Variants in NOTCH2 observed in about 807,000 individuals in gnomAD.
NOTCH2 encodes notch receptor 2, also known as neurogenic locus notch homolog protein 2.
In NOTCH2, 29 loss-of-function variants were observed where a neutral mutation model predicts 235.8. The observed-to-expected ratio is 0.12, with a 90% confidence interval of 0.09 to 0.17. The LOEUF (loss-of-function observed/expected upper bound fraction) is 0.17, where lower values mean the gene tolerates loss of function less well. NOTCH2 is among the 10% of genes least tolerant of loss of function. NOTCH2 has a pLI of 1.00. For missense variants in NOTCH2, 2,285 were observed against 3,150.2 expected, an observed-to-expected ratio of 0.73 and a Z score of 6.57; for synonymous variants, 1,086 against 1,141.5, an observed-to-expected ratio of 0.95 and a Z score of 0.98.
intron 24 of NOTCH2, 28 bp downstream of exon 24, chr1:119,926,471 C>A: frequency 2.0e-6 from 3 of 1,490,892 alleles, no homozygotes; most frequent in Admixed American, 1.8e-5. Flanking sequence ...GACAATGCCC[C>A]TTCTTAGATG....
At chr1:119,943,817 G>T (rs1395110338) in intron 17 of NOTCH2, among the ~76,000 whole-genome samples, 8 of 151,930 alleles carry the variant, frequency 5.3e-5, no homozygotes, top group African/African-American at 1.9e-4. Context: ...AGAAAACAAC[G>T]ATACTCAATA....
In NOTCH2 at chr1:119,915,861, C is replaced by T. The variant is rs898080836; in HGVS notation, c.6861G>A (p.Arg2287=). 3 of 1,614,182 alleles carry T rather than the reference C, an allele frequency of 1.9e-6. No individual in the cohort carries two copies. The highest frequency in any genetic ancestry group is 1.1e-5 in the South Asian group (1 of 91,088). ...TGGTTATGTGCTTCCCTTCAGGTGG[C>T]CTGCTCTGGGGAGCTATGCCAGGAT... ...GTHPGIAPQS[R]PPEGKHITTP... Residue 2287 remains arginine, a synonymous_variant, in exon 34 of 34, where the codon AGG becomes AGA. Transcript: ENST00000256646.
chr1:119,958,216 A>C (rs1407025956), intron 12 of NOTCH2, among the ~76,000 whole-genome samples: 1 of 152,180 alleles, frequency 6.6e-6, no homozygotes, highest in African/African-American at 2.4e-5. Flanking sequence ...GCAGAACATC[A>C]GGCTACTACA....
At chr1:119,931,780 A>T (rs1553195145) in intron 22 of NOTCH2, among the ~76,000 whole-genome samples, 1 of 151,894 alleles carries the variant, frequency 6.6e-6, no homozygotes, top group Non-Finnish European at 1.5e-5. Context: ...AGTGTATATG[A>T]TGTTGCTAAC....
chr1:120,023,927 C>T (rs587728581), intron 2 of NOTCH2, among the ~76,000 whole-genome samples: 60 of 152,016 alleles, frequency 3.9e-4, no homozygotes, highest in African/African-American at 1.4e-3. Flanking sequence ...CTTGAGTTAT[C>T]TGTTATATGT....
intron 26 of NOTCH2, 92 bp from the exon 27 acceptor site, chr1:119,922,870 G>A (rs1017482613): frequency 6.6e-7 from 1 of 1,510,936 alleles, no homozygotes; most frequent in African/African-American, 1.4e-5. Context: ...AGGGTGACAG[G>A]AGCCTCCCTT....
At chr1:119,926,738 C>T (rs1570665077) in intron 23 of NOTCH2, 127 bp from the exon 24 acceptor site, 2 of 738,030 alleles carry the variant, frequency 2.7e-6, no homozygotes. Flanking sequence ...AGTTCTAGGC[C>T]TGTGGTAATC....
chr1:120,067,414 T>A (rs1196345578), intron 1 of NOTCH2, among the ~76,000 whole-genome samples: 5 of 152,062 alleles, frequency 3.3e-5, no homozygotes, highest in African/African-American at 4.8e-5. Flanking sequence ...GGGCATAGTT[T>A]TATGCACTGA....
intron 4 of NOTCH2, chr1:119,996,607 T>G: frequency 1.2e-6 from 1 of 815,680 alleles, no homozygotes; most frequent in Non-Finnish European, 2.2e-6. Context: ...GATCACCTAC[T>G]GTTAATGTCA....
intron 4 of NOTCH2, among the ~76,000 whole-genome samples, chr1:119,987,978 C>T (rs781810993): frequency 9.2e-5 from 14 of 152,170 alleles, no homozygotes; most frequent in Non-Finnish European, 1.9e-4. Flanking sequence ...CTACCAAACT[C>T]CTGAGCTAAT....
At chr1:119,978,386 A>G (rs1651675048) in intron 5 of NOTCH2, among the ~76,000 whole-genome samples, 1 of 152,202 alleles carries the variant, frequency 6.6e-6, no homozygotes, top group Non-Finnish European at 1.5e-5. Context: ...TCCAGCAAAG[A>G]AATGACTCGA....
Position 119,997,311 on chromosome 1 carries a change from T to A in NOTCH2, c.437A>T (p.Asp146Val). ...TGCACAGGGATGAGACAGGCAGGCA[T>A]CCGTCCATTGGCACTCCTTACCTAA... is the stretch of plus-strand genomic sequence containing the variant. ...GFTGKECQWT[D>V]ACLSHPCANG... The change falls in exon 4 of 34, where the codon GAT (aspartate) becomes GTT (valine). Residue 146 changes from aspartate (D) to valine (V), a missense_variant. By Grantham distance (152) the Asp-to-Val change is radical (BLOSUM62 -3). This residue lies in a region of NOTCH2 where 431 missense variants were observed against 757.8 expected (regional missense o/e 0.57). Transcript: ENST00000256646. 1 of 1,614,000 alleles carries A rather than the reference T, an allele frequency of 6.2e-7. No individual in the cohort carries two copies. Among genetic ancestry groups the A allele is most frequent in the Non-Finnish European group, 8.5e-7 (1 of 1,179,866 alleles).
chr1:119,975,754 C>CA (rs1394347164), intron 5 of NOTCH2, among the ~76,000 whole-genome samples: 1 of 152,010 alleles, frequency 6.6e-6, no homozygotes, highest in African/African-American at 2.4e-5. Context: ...GCCTCATTAG[C>CA]ACCACGCTTC....
chr1:120,068,907 C>T (rs781801018), intron 1 of NOTCH2: 4 of 802,334 alleles, frequency 5.0e-6, no homozygotes, highest in Non-Finnish European at 5.5e-6. Flanking sequence ...GGCTTGGCGG[C>T]CCTGCCCCCG....
chr1:119,948,304 C>T lies in NOTCH2; in HGVS notation c.2752+110G>A, dbSNP rs138983653. ...CTGTTAAATATGCTGGATAAATGAC[C>T]GGTATGCCCAATGTCAGGCGTGAAA... On this transcript the variant is annotated intron_variant, in intron 17 of 33. Coordinates refer to ENST00000256646, the MANE Select transcript of NOTCH2 (RefSeq NM_024408.4). 2.5e-4 allele frequency: 280 copies of T among 1,122,362 alleles called. 1 individual carries two copies. In the African/African-American group the frequency reaches 3.5e-3, roughly 14 times the overall value. The allele number at this position is 1,122,362 out of a possible 1,614,324, so 69.5% of individuals were successfully genotyped here.
At chr1:119,938,037 C>T (rs1553195991) in intron 19 of NOTCH2, 27 bp from the exon 20 acceptor site, 1 of 1,611,236 alleles carries the variant, frequency 6.2e-7, no homozygotes, top group Admixed American at 1.7e-5. Flanking sequence ...GGTGTACATA[C>T]ATCAAAATTC....
intron 2 of NOTCH2, among the ~76,000 whole-genome samples, chr1:120,011,039 C>A (rs587642919): frequency 2.0e-5 from 3 of 152,256 alleles, no homozygotes; most frequent in African/African-American, 7.2e-5. Context: ...TATATAATTC[C>A]ATTTATATGA....
chr1:119,985,128 G>C (rs1394336914), intron 5 of NOTCH2, among the ~76,000 whole-genome samples: 1 of 152,104 alleles, frequency 6.6e-6, no homozygotes, highest in South Asian at 2.1e-4. Flanking sequence ...GCCATGAAAG[G>C]CTTCATATAA....
Position 119,965,445 on chromosome 1 carries a change from A to G in NOTCH2, c.1681+8T>C, listed in dbSNP as rs782409160. 1 of 1,605,348 alleles carries G rather than the reference A, an allele frequency of 6.2e-7. No homozygotes were observed. Among genetic ancestry groups the G allele is most frequent in the Non-Finnish European group, 8.5e-7 (1 of 1,172,002 alleles). On this transcript the variant is annotated splice_region_variant and intron_variant, in intron 10 of 33. Transcript: ENST00000256646. ...TACCAAGGAGATGAAAAGTGAGAAG[A>G]ATCTTACCTGTGGCACACTGGCATT...
Sources: allele counts gnomAD v4.1 joint callset (sites outside exome capture counted in the v4.1 genomes callset), GRCh38; gene constraint gnomAD v4.1.1; regional missense constraint gnomAD v4.1.1; transcripts MANE v1.5; gene names NCBI Gene and HGNC (gene_info 2026-07-23, HGNC 2026-07-21).